FYB1: variants seen among roughly 807,000 people sequenced by gnomAD.
The protein encoded by FYB1 is FYN binding protein 1, also known as FYN-binding protein 1.
In FYB1, 41 loss-of-function variants were observed where a neutral mutation model predicts 94.1. The observed-to-expected ratio is 0.44, with a 90% CI of 0.34 to 0.57. The LOEUF (loss-of-function observed/expected upper bound fraction) is 0.57, where lower values mean the gene tolerates loss of function less well. FYB1 is among the 20% of genes least tolerant of loss of function. The pLI is 0.02. For synonymous variants in FYB1, 367 were observed against 353.2 expected (o/e 1.04, Z -0.44); for missense variants, 1,050 against 976.8 (o/e 1.07, Z -1.00).
intron 2 of FYB1, among the ~76,000 whole-genome samples, chr5:39,162,707 G>A (rs1273526477): frequency 1.7e-5 from 2 of 120,826 alleles, no homozygotes; most frequent in African/African-American, 5.2e-5. Context: ...GGTAAGTAAT[G>A]CCGTTTAGTG....
At chr5:39,146,799 C>T (rs567329414) in intron 3 of FYB1, among the ~76,000 whole-genome samples, 36 of 151,952 alleles carry the variant, frequency 2.4e-4, no homozygotes, top group Non-Finnish European at 4.0e-4. Flanking sequence ...AATCTTAGTG[C>T]CACTTTATAT....
At chr5:39,128,892 A>G (rs1425293854) in intron 10 of FYB1, among the ~76,000 whole-genome samples, 1 of 152,136 alleles carries the variant, frequency 6.6e-6, no homozygotes, top group Non-Finnish European at 1.5e-5. Flanking sequence ...TGCTAAAAGG[A>G]CCATATTACC....
upstream of FYB1, among the ~76,000 whole-genome samples, chr5:39,222,027 G>A (rs558545790): frequency 2.7e-5 from 4 of 149,414 alleles, no homozygotes; most frequent in Non-Finnish European, 4.4e-5. Flanking sequence ...ATAAAATAAA[G>A]TAAAATAAAA....
At chr5:39,145,710 G>C (rs1324926392) in intron 3 of FYB1, among the ~76,000 whole-genome samples, 1 of 151,996 alleles carries the variant, frequency 6.6e-6, no homozygotes, top group Non-Finnish European at 1.5e-5. Context: ...AGGTTCTTAT[G>C]ATCAATCTTG....
intron 13 of FYB1, among the ~76,000 whole-genome samples, chr5:39,123,255 C>T (rs887707988): frequency 3.3e-5 from 5 of 152,176 alleles, no homozygotes; most frequent in Admixed American, 2.0e-4. Context: ...TCTATGTCCT[C>T]CACCCTCGTG....
At chr5:39,259,012 G>A (rs1752101053) in intron 1 of FYB1, among the ~76,000 whole-genome samples, 1 of 152,184 alleles carries the variant, frequency 6.6e-6, no homozygotes, top group Non-Finnish European at 1.5e-5. Flanking sequence ...TAAATCGTAT[G>A]TTGCTGAGAT....
chr5:39,246,360 T>C (rs1312394846), intron 1 of FYB1, among the ~76,000 whole-genome samples: 1 of 152,234 alleles, frequency 6.6e-6, no homozygotes, highest in Non-Finnish European at 1.5e-5. Flanking sequence ...ATGATGGGCA[T>C]ATATTATATA....
chr5:39,112,055 T>C (rs1739123040), intron 16 of FYB1, among the ~76,000 whole-genome samples: 1 of 151,972 alleles, frequency 6.6e-6, no homozygotes, highest in South Asian at 2.1e-4. Flanking sequence ...GATAAGCTCA[T>C]GTCCAACAAA....
intron 2 of FYB1, among the ~76,000 whole-genome samples, chr5:39,165,696 A>C (rs1375553078): frequency 6.6e-6 from 1 of 152,264 alleles, no homozygotes; most frequent in East Asian, 1.9e-4. Flanking sequence ...CTGAATAAGC[A>C]GACAATCTGC....
At chr5:39,229,903 C>T (rs537155969) in intron 1 of FYB1, among the ~76,000 whole-genome samples, 1 of 152,246 alleles carries the variant, frequency 6.6e-6, no homozygotes, top group South Asian at 2.1e-4. Flanking sequence ...CAGCCAGGCC[C>T]GTGTGGTTCA....
intron 2 of FYB1, among the ~76,000 whole-genome samples, chr5:39,172,483 T>C (rs1477016209): frequency 6.6e-6 from 1 of 152,002 alleles, no homozygotes; most frequent in Non-Finnish European, 1.5e-5. Flanking sequence ...TAATTCTAGA[T>C]TAGAGGGTAC....
intron 2 of FYB1, among the ~76,000 whole-genome samples, chr5:39,189,524 G>A (rs1747171388): frequency 6.6e-6 from 1 of 152,184 alleles, no homozygotes; most frequent in African/African-American, 2.4e-5. Flanking sequence ...ATATTCAGAG[G>A]AAGACCACAG....
chr5:39,200,291 G>A (rs1748196799), intron 2 of FYB1, among the ~76,000 whole-genome samples: 2 of 152,118 alleles, frequency 1.3e-5, no homozygotes, highest in African/African-American at 4.8e-5. Flanking sequence ...TAGCATTTGT[G>A]GCAACTCACT....
chr5:39,218,980 G>A (rs1317418689), intron 1 of FYB1, among the ~76,000 whole-genome samples: 1 of 152,166 alleles, frequency 6.6e-6, no homozygotes, highest in Non-Finnish European at 1.5e-5. Flanking sequence ...AATCTCATGT[G>A]AATCCTCACC....
intron 3 of FYB1, among the ~76,000 whole-genome samples, chr5:39,150,552 T>C (rs1021342597): frequency 6.6e-6 from 1 of 152,226 alleles, no homozygotes; most frequent in Non-Finnish European, 1.5e-5. Context: ...GATCTTTAGA[T>C]CTGTTGTGAT....
chr5:39,190,863 G>A (rs1747294187), intron 2 of FYB1, among the ~76,000 whole-genome samples: 1 of 151,852 alleles, frequency 6.6e-6, no homozygotes, highest in African/African-American at 2.4e-5. Flanking sequence ...GAAGTGAGAG[G>A]CTGGAGAGGT....
At chr5:39,203,518 T>C (rs1748569159) in intron 1 of FYB1, among the ~76,000 whole-genome samples, 1 of 152,170 alleles carries the variant, frequency 6.6e-6, no homozygotes, top group Non-Finnish European at 1.5e-5. Context: ...TCTATCCACA[T>C]TGAAGTTCTG....
chr5:39,115,715 A>G (rs1739501256), intron 16 of FYB1, among the ~76,000 whole-genome samples: 1 of 152,166 alleles, frequency 6.6e-6, no homozygotes, highest in African/African-American at 2.4e-5. Flanking sequence ...GACCCAGTCC[A>G]TGGAAGGAGT....
intron 2 of FYB1, among the ~76,000 whole-genome samples, chr5:39,164,974 T>G (rs2150383056): frequency 6.6e-6 from 1 of 152,284 alleles, no homozygotes; most frequent in African/African-American, 2.4e-5. Flanking sequence ...GAGCAAGTGT[T>G]CTTAGCGTGA....
Sources: gnomAD v4.1 joint callset for allele counts (sites outside exome capture counted in the v4.1 genomes callset) on GRCh38, gnomAD v4.1.1 for gene constraint, MANE v1.5 for transcripts, NCBI Gene and HGNC (gene_info 2026-07-23, HGNC 2026-07-21) for gene names.